The following KCNU1 variants were observed in gnomAD, a reference collection of about 807,000 sequenced individuals.
The protein encoded by KCNU1 is potassium calcium-activated channel subfamily U member 1.
A neutral mutation model predicts 126.8 loss-of-function variants in KCNU1; 93 were observed. The observed-to-expected ratio is 0.73, with a 90% CI of 0.62 to 0.87. KCNU1 has a LOEUF of 0.87. Among genes scored for constraint, KCNU1 ranks in the 40% least tolerant of loss-of-function variants. The pLI, the probability that KCNU1 is intolerant of heterozygous loss-of-function variation, is 0.00. For synonymous variants in KCNU1, 523 were observed against 494.2 expected (o/e 1.06, Z -0.77); for missense variants, 1,330 against 1,367.1 (o/e 0.97, Z 0.43).
chr8:36,823,883 G>C (rs1283433572), intron 10 of KCNU1, among the ~76,000 whole-genome samples: 1 of 148,692 alleles, frequency 6.7e-6, no homozygotes, highest in African/African-American at 2.5e-5. Context: ...TATTGCCCAG[G>C]CTGTAGTGCA....
At chr8:36,868,124 GTC>G in intron 19 of KCNU1, among the ~76,000 whole-genome samples, 1 of 152,284 alleles carries the variant, frequency 6.6e-6, no homozygotes, top group South Asian at 2.1e-4. Flanking sequence ...TTGAGGGTGA[GTC>G]TCTGTGATAT....
At chr8:36,878,108 A>T (rs573027055) in intron 19 of KCNU1, among the ~76,000 whole-genome samples, 2 of 152,312 alleles carry the variant, frequency 1.3e-5, no homozygotes, top group South Asian at 4.1e-4. Context: ...ATAAAGAATG[A>T]TCTCTTTTCA....
At chr8:36,840,111 T>C (rs1405256691) in intron 14 of KCNU1, among the ~76,000 whole-genome samples, 1 of 152,206 alleles carries the variant, frequency 6.6e-6, no homozygotes, top group Admixed American at 6.5e-5. Context: ...CAGAGAGAGA[T>C]AATTTAGATT....
intron 19 of KCNU1, among the ~76,000 whole-genome samples, chr8:36,866,933 G>T (rs1302877322): frequency 6.6e-6 from 1 of 152,246 alleles, no homozygotes; most frequent in East Asian, 1.9e-4. Flanking sequence ...TAAATACCCT[G>T]ACTTGATCAT....
At chr8:36,932,883 T>A (rs1040127397) in intron 25 of KCNU1, 37 bp from the exon 26 acceptor site, 1 of 1,188,358 alleles carries the variant, frequency 8.4e-7, no homozygotes, top group Non-Finnish European at 1.2e-6. Flanking sequence ...TTGATCAAAG[T>A]GCCCAGCAGA....
chr8:36,905,756 T>G lies in KCNU1; in HGVS notation c.2058T>G (p.Ser686Arg). The change falls in exon 20 of 27, where the codon AGT (serine) becomes AGG (arginine). Residue 686 changes from serine to arginine, a missense_variant. Physicochemically the swap from Ser to Arg is moderately radical, Grantham distance 110. This residue lies in a region of KCNU1 where 1,054 missense variants were observed against 1,053.9 expected (regional missense o/e 1.00). Transcript: ENST00000399881. ...AAGATTCTGACCAGCTTGATAGCAG[T>G]GGGATGTTTCACTGGTGCAAACCAA... is the stretch of plus-strand genomic sequence containing the variant. ...VEQDSDQLDS[S>R]GMFHWCKPTS... 6.2e-7 allele frequency: 1 copy of G among 1,605,882 alleles called. No homozygotes were observed. The highest frequency in any genetic ancestry group is 2.2e-5 in the East Asian group (1 of 44,622).
At chr8:36,808,899 A>G (rs1803605768) in intron 7 of KCNU1, 106 bp downstream of exon 7, 1 of 722,968 alleles carries the variant, frequency 1.4e-6, no homozygotes, top group Non-Finnish European at 2.4e-6. Context: ...ACTGTAAGCC[A>G]GTTGGAGGTG....
intron 19 of KCNU1, among the ~76,000 whole-genome samples, chr8:36,880,065 G>A (rs1193311207): frequency 6.6e-6 from 1 of 152,202 alleles, no homozygotes; most frequent in East Asian, 1.9e-4. Context: ...GGTATTTTTG[G>A]AGCAATAAAT....
intron 18 of KCNU1, among the ~76,000 whole-genome samples, chr8:36,850,715 C>T (rs865896761): frequency 2.0e-4 from 31 of 152,144 alleles, no homozygotes; most frequent in African/African-American, 6.8e-4. Context: ...CCTCAATCTC[C>T]GAAAGTGCTG....
At chr8:36,810,695 A>G (rs1048391520) in intron 7 of KCNU1, among the ~76,000 whole-genome samples, 2 of 152,208 alleles carry the variant, frequency 1.3e-5, no homozygotes, top group African/African-American at 2.4e-5. Flanking sequence ...ATTAACTAGA[A>G]AGGAATCAAT....
intron 19 of KCNU1, among the ~76,000 whole-genome samples, chr8:36,867,458 A>G (rs543208461): frequency 2.6e-5 from 4 of 152,190 alleles, no homozygotes; most frequent in Admixed American, 1.3e-4. Context: ...GGTATTGTGC[A>G]TGCATGCATG....
At chr8:36,853,561 T>C (rs996419741) in intron 18 of KCNU1, among the ~76,000 whole-genome samples, 1 of 152,212 alleles carries the variant, frequency 6.6e-6, no homozygotes, top group Non-Finnish European at 1.5e-5. Flanking sequence ...TTTGTGAATT[T>C]TCCTAATTTT....
intron 2 of KCNU1, 38 bp downstream of exon 2, chr8:36,787,463 T>C: frequency 3.8e-6 from 6 of 1,568,328 alleles, no homozygotes; most frequent in South Asian, 1.2e-5. Flanking sequence ...TAACAAACTT[T>C]AGCCATAGGT....
chr8:36,922,257 A>G (rs1371057268), intron 23 of KCNU1, among the ~76,000 whole-genome samples: 1 of 152,164 alleles, frequency 6.6e-6, no homozygotes, highest in Non-Finnish European at 1.5e-5. Flanking sequence ...GTGCTCCAGC[A>G]ATGTCCCCTT....
intron 19 of KCNU1, among the ~76,000 whole-genome samples, chr8:36,881,152 C>A (rs769510515): frequency 3.3e-5 from 5 of 152,318 alleles, no homozygotes; most frequent in African/African-American, 1.2e-4. Flanking sequence ...CTAAACCTTT[C>A]GGGAGCCCTT....
At chr8:36,914,636 G>GA (rs1370760766) in intron 22 of KCNU1, among the ~76,000 whole-genome samples, 1 of 152,176 alleles carries the variant, frequency 6.6e-6, no homozygotes, top group Non-Finnish European at 1.5e-5. Context: ...AATCTCTGAA[G>GA]AATCAGTGAG....
chr8:36,858,819 A>G (rs1585471685), intron 18 of KCNU1, among the ~76,000 whole-genome samples: 1 of 152,328 alleles, frequency 6.6e-6, no homozygotes, highest in Admixed American at 6.5e-5. Flanking sequence ...ATTTTATGAT[A>G]TCTAGGGATA....
intron 25 of KCNU1, 79 bp downstream of exon 25, chr8:36,931,224 G>C: frequency 1.2e-6 from 1 of 857,800 alleles, no homozygotes; most frequent in Admixed American, 2.7e-5. Flanking sequence ...GGCTATTTGG[G>C]TTCATAGATG....
In KCNU1 at chr8:36,817,729, G is replaced by T; in HGVS notation, c.1075G>T (p.Glu359Ter). 1 of 1,608,252 alleles carries T rather than the reference G, an allele frequency of 6.2e-7. No homozygotes were observed. The part of the protein sequence containing the change: ...LRNFLRDKSG[E>*]INTEIVFLGE... The stretch of plus-strand genomic sequence containing the variant: ...GAATTTCCTCCGCGACAAGTCAGGA[G>T]AGATCAACACTGAAATTGTTTTCCT... The change falls in exon 10 of 27, where the codon GAG (glutamate) becomes TAG (stop). Residue 359 changes from glutamate (E) to a stop codon, truncating the protein, a stop_gained. Transcript: ENST00000399881. LOFTEE classifies it high-confidence loss of function.
Sources: allele counts gnomAD v4.1 joint callset (sites outside exome capture counted in the v4.1 genomes callset), GRCh38; gene constraint gnomAD v4.1.1; regional missense constraint gnomAD v4.1.1; transcripts MANE v1.5; gene names NCBI Gene and HGNC (gene_info 2026-07-23, HGNC 2026-07-21).